The following HEXB variants were observed in gnomAD, a reference collection of about 807,000 sequenced individuals.
The protein encoded by HEXB is hexosaminidase subunit beta, also known as beta-hexosaminidase subunit beta.
Under a neutral mutation model 71.2 loss-of-function variants are expected in HEXB, and 51 were observed. The observed-to-expected ratio is 0.72, with a 90% CI of 0.57 to 0.90. The LOEUF is 0.90. Ranked by LOEUF, HEXB falls within the 40% of genes least tolerant of loss-of-function variation. HEXB has a pLI of 0.00. For missense variants in HEXB, 617 were observed against 677.0 expected, an observed-to-expected ratio of 0.91 and a Z score of 0.98; for synonymous variants, 266 against 249.3, an observed-to-expected ratio of 1.07 and a Z score of -0.63.
chr5:74,646,713 G>T (rs1241883080), intron 1 of HEXB, among the ~76,000 whole-genome samples: 1 of 151,816 alleles, frequency 6.6e-6, no homozygotes, highest in Non-Finnish European at 1.5e-5. Context: ...GATTACAGGC[G>T]TCTGCCACCG....
chr5:74,708,358 G>A (rs556158549), intron 6 of HEXB, among the ~76,000 whole-genome samples: 53 of 150,914 alleles, frequency 3.5e-4, no homozygotes, highest in Admixed American at 1.1e-3. Flanking sequence ...AAAGACCATC[G>A]AGACTAGGAA....
intron 5 of HEXB, 136 bp from the exon 6 acceptor site, chr5:74,705,083 C>A (rs1321239214): frequency 2.0e-5 from 12 of 613,192 alleles, no homozygotes; most frequent in Admixed American, 2.6e-5. Flanking sequence ...TGGAGTGAGA[C>A]CCTGTCTCAA....
chr5:74,647,552 A>G (rs1037907881), intron 1 of HEXB, among the ~76,000 whole-genome samples: 15 of 152,236 alleles, frequency 9.9e-5, no homozygotes, highest in African/African-American at 2.9e-4. Context: ...GAAAGTTTCC[A>G]TAAGTGTTTC....
At chr5:74,648,814 C>T (rs955512607) in intron 1 of HEXB, among the ~76,000 whole-genome samples, 1 of 152,114 alleles carries the variant, frequency 6.6e-6, no homozygotes, top group African/African-American at 2.4e-5. Context: ...TTATTATGGA[C>T]AAAAGTTTGT....
intron 1 of HEXB, among the ~76,000 whole-genome samples, chr5:74,660,281 T>A (rs556595788): frequency 1.3e-5 from 2 of 152,362 alleles, no homozygotes; most frequent in African/African-American, 4.8e-5. Context: ...TACAATCCTG[T>A]TCCTGTTACC....
At position 74,664,454 on chromosome 5, in the gene HEXB, C is replaced by CAAAA. The variant is rs1554033122; in HGVS notation, c.-377+23897_-377+23898insAAAA. Among the ~76,000 whole-genome samples, 24 of 86,474 alleles carry CAAAA rather than the reference C, an allele frequency of 2.8e-4. No individual in the cohort carries two copies. The Middle Eastern group carries it at 0.017, about 62-fold the overall frequency. The allele number at this position is 86,474 out of a possible 152,430, so 56.7% of individuals were successfully genotyped here. On this transcript the variant is annotated intron_variant, in intron 1 of 13. Transcript: ENST00000511181. ...CTAAAAAAAAAAAAAAAAAAAAAAA[C>CAAAA]AGAGAGAGAGAGAATACTGAATAGA...
At position 74,697,106 on chromosome 5, in the gene HEXB, G is replaced by C. The variant is rs773385077; in HGVS notation, c.669G>C (p.Leu223=). Residue 223 remains leucine, a splice_region_variant and synonymous_variant, in exon 5 of 14, where the codon CTG becomes CTC. Coordinates refer to ENST00000261416, the MANE Select transcript of HEXB (RefSeq NM_000521.4). The part of the protein sequence containing the change: ...YLPVKIILKT[L]DAMAFNKFNV... Reference sequence around the variant, plus strand: ...CAGTTAAGATTATTCTTAAAACTCTGGTAAGTAATTACTTCATTCTAATCT... The same window carrying C: ...CAGTTAAGATTATTCTTAAAACTCTCGTAAGTAATTACTTCATTCTAATCT... 36 of 1,280,960 alleles carry C rather than the reference G, an allele frequency of 2.8e-5. No homozygotes were observed. The highest frequency in any genetic ancestry group is 4.1e-5 in the Non-Finnish European group (36 of 876,990). The allele number at this position is 1,280,960 out of a possible 1,614,324, so 79.3% of individuals were successfully genotyped here.
In HEXB at chr5:74,705,334, A is replaced by C; in HGVS notation, c.771+14A>C. Reference sequence around the variant, plus strand: ...TTAAGCAATAAAGTGAGTAAATTGTATTGTACTCTGTCTACAAAAACATTG... The same window carrying C: ...TTAAGCAATAAAGTGAGTAAATTGTCTTGTACTCTGTCTACAAAAACATTG... On this transcript the variant is annotated intron_variant, in intron 6 of 13. Transcript: ENST00000261416. 1 of 1,336,078 alleles carries C rather than the reference A, an allele frequency of 7.5e-7. No homozygotes were observed. Among genetic ancestry groups the C allele is most frequent in the Non-Finnish European group, 1.1e-6 (1 of 926,306 alleles). The allele number at this position is 1,336,078 out of a possible 1,614,324, so 82.8% of individuals were successfully genotyped here. A position where few individuals can be genotyped will look rare whatever the true frequency, so the allele number is the denominator to read the frequency against.
At chr5:74,709,297 G>A (rs986735563) in intron 6 of HEXB, among the ~76,000 whole-genome samples, 22 of 152,226 alleles carry the variant, frequency 1.4e-4, no homozygotes, top group African/African-American at 5.3e-4. Context: ...AAAGCAGTGT[G>A]TAGAGGGAAA....
intron 1 of HEXB, among the ~76,000 whole-genome samples, chr5:74,657,038 T>C (rs1242225202): frequency 6.6e-6 from 1 of 152,158 alleles, no homozygotes; most frequent in Non-Finnish European, 1.5e-5. Flanking sequence ...ATAGGAACCC[T>C]TTAGCCTCTC....
At chr5:74,698,330 T>C (rs1208025024) in intron 5 of HEXB, among the ~76,000 whole-genome samples, 1 of 151,810 alleles carries the variant, frequency 6.6e-6, no homozygotes, top group Non-Finnish European at 1.5e-5. Context: ...TGCCTTGGCC[T>C]CCCAAAGTGC....
intron 11 of HEXB, chr5:74,720,125 T>A (rs1022478154): frequency 3.3e-5 from 12 of 368,334 alleles, no homozygotes; most frequent in Non-Finnish European, 5.6e-5. Context: ...TCCAGGTAAG[T>A]TTGCATAAAA....
chr5:74,691,082 T>G (rs1748994133), intron 2 of HEXB, among the ~76,000 whole-genome samples: 1 of 152,224 alleles, frequency 6.6e-6, no homozygotes, highest in African/African-American at 2.4e-5. Flanking sequence ...TTTCAGTCAG[T>G]TCTACAAACC....
chr5:74,710,339 T>C (rs954171854), intron 6 of HEXB, among the ~76,000 whole-genome samples: 4 of 150,846 alleles, frequency 2.7e-5, no homozygotes, highest in African/African-American at 9.7e-5. Context: ...TCATACTGAA[T>C]GGGCAAAAAC....
chr5:74,712,548 C>T (rs939613380), intron 6 of HEXB, among the ~76,000 whole-genome samples: 2 of 152,000 alleles, frequency 1.3e-5, no homozygotes, highest in African/African-American at 4.8e-5. Context: ...CAAATAAGCT[C>T]CATAATTGTG....
intron 1 of HEXB, among the ~76,000 whole-genome samples, chr5:74,643,737 T>G (rs983117608): frequency 2.0e-5 from 3 of 152,200 alleles, no homozygotes; most frequent in South Asian, 2.1e-4. Flanking sequence ...TTAATGAGAA[T>G]GATTTAATTA....
intron 7 of HEXB, among the ~76,000 whole-genome samples, chr5:74,714,996 T>G (rs1205445457): frequency 1.3e-5 from 2 of 152,114 alleles, no homozygotes; most frequent in African/African-American, 2.4e-5. Flanking sequence ...TGTAAAATAA[T>G]GGACAGAACT....
intron 2 of HEXB, among the ~76,000 whole-genome samples, chr5:74,690,805 T>C (rs191337899): frequency 8.5e-4 from 129 of 151,182 alleles, no homozygotes; most frequent in African/African-American, 2.7e-3. Context: ...GATTTCTCAA[T>C]AATACATCTC....
rs1749652451 is a variant in HEXB, at chr5:74,715,648, AATTC to A, written c.1048_1051del (p.His350TrpfsTer21). 6.2e-7 allele frequency: 1 copy of A among 1,610,748 alleles called. No individual in the cohort carries two copies. The highest frequency in any genetic ancestry group is 1.7e-5 in the Admixed American group (1 of 59,964). ...GAAATTAGTGAGGTGTTTCCAGATC[AATTC>A]ATTCATTTGGGAGGAGATGAAGTGG... On this transcript the variant is annotated frameshift_variant, in exon 8 of 14. Transcript: ENST00000261416. LOFTEE classifies it high-confidence loss of function.
Sources: allele counts gnomAD v4.1 joint callset (sites outside exome capture counted in the v4.1 genomes callset), GRCh38; gene constraint gnomAD v4.1.1; transcripts MANE v1.5; gene names NCBI Gene and HGNC (gene_info 2026-07-23, HGNC 2026-07-21).